CRHBP: variants seen among roughly 807,000 people sequenced by gnomAD.
The protein encoded by CRHBP is corticotropin releasing hormone binding protein.
A neutral mutation model predicts 34.9 loss-of-function variants in CRHBP; 19 were observed. The observed-to-expected ratio is 0.55, with a 90% CI of 0.38 to 0.80. The LOEUF (loss-of-function observed/expected upper bound fraction) is 0.80, where lower values mean the gene tolerates loss of function less well. Ranked by LOEUF, CRHBP falls within the 30% of genes least tolerant of loss-of-function variation. The pLI, the probability that CRHBP is intolerant of heterozygous loss-of-function variation, is 0.00. For synonymous variants in CRHBP, 154 were observed against 153.4 expected (o/e 1.00, Z -0.03); for missense variants, 328 against 409.2 (o/e 0.80, Z 1.71).
chr5:76,976,094 A>G (rs973410609), intron 2 of CRHBP, among the ~76,000 whole-genome samples: 2 of 151,436 alleles, frequency 1.3e-5, no homozygotes, highest in African/African-American at 4.9e-5. Context: ...GTGATCTTAT[A>G]TATAATAAGA....
chr5:76,962,622 GA>G (rs774799876), intron 5 of CRHBP, among the ~76,000 whole-genome samples: 5,701 of 120,340 alleles, frequency 0.047, 122 homozygotes, highest in Middle Eastern at 0.073. Flanking sequence ...CTACAAAATT[GA>G]AAAAAAAAAA....
At chr5:76,965,001 G>A (rs1388122973) in intron 6 of CRHBP, among the ~76,000 whole-genome samples, 1 of 150,268 alleles carries the variant, frequency 6.7e-6, no homozygotes, top group Non-Finnish European at 1.5e-5. Flanking sequence ...TAAAAAAAAA[G>A]AAAAGAATCA....
intron 2 of CRHBP, among the ~76,000 whole-genome samples, chr5:76,974,646 T>G (rs1197962981): frequency 6.6e-6 from 1 of 152,178 alleles, no homozygotes; most frequent in African/African-American, 2.4e-5. Flanking sequence ...CTGAATACAC[T>G]TTTATCTGTG....
chr5:76,963,585 G>T (rs1316547708), intron 6 of CRHBP, 125 bp downstream of exon 6: 1 of 744,262 alleles, frequency 1.3e-6, no homozygotes, highest in Non-Finnish European at 2.3e-6. Flanking sequence ...TTCACACTGA[G>T]CCAGTATGAG....
chr5:76,973,452 C>CAAAT (rs1235541905), downstream of CRHBP, among the ~76,000 whole-genome samples: 1 of 152,168 alleles, frequency 6.6e-6, no homozygotes, highest in African/African-American at 2.4e-5. Flanking sequence ...AAATACCATG[C>CAAAT]AAATACCTGA....
At chr5:76,981,013 G>C (rs1500) in exon 4 of CRHBP, 69,751 of 151,990 alleles carry the variant, frequency 0.46, 17,932 homozygotes, top group African/African-American at 0.7. Flanking sequence ...ACAGGAGCAC[G>C]AAAGGCACAG....
chr5:76,969,178 C>A lies in CRHBP; in HGVS notation c.*293C>A. 3.8e-6 allele frequency: 1 copy of A among 265,842 alleles called. No individual in the cohort carries two copies. Among genetic ancestry groups the A allele is most frequent in the Admixed American group, 5.3e-5 (1 of 18,908 alleles). The allele number at this position is 265,842 out of a possible 1,614,324, so 16.5% of individuals were successfully genotyped here. A position where few individuals can be genotyped will look rare whatever the true frequency, so the allele number is the denominator to read the frequency against. On this transcript the variant is annotated 3_prime_UTR_variant, in exon 7 of 7. Coordinates refer to ENST00000274368, the MANE Select transcript of CRHBP (RefSeq NM_001882.4). The stretch of plus-strand genomic sequence containing the variant: ...TCTTTGATGTGCTACAAACCTGAAA[C>A]TGGTAAGACAAGCACAAAGCAACGT...
Position 76,954,216 on chromosome 5 carries a change from C to A in CRHBP, c.333+30C>A, listed in dbSNP as rs1244404651. The A allele has an allele frequency of 8.1e-6, 13 of 1,604,928 alleles. No individual in the cohort carries two copies. The East Asian group carries it at 2.7e-4, about 33-fold the overall frequency. ...GGCGCCCACGGCCAGCCAACCTAGC[C>A]GGAGGGCGGCACGGGAGGGTTGGAA... On this transcript the variant is annotated intron_variant, in intron 3 of 6. Transcript: ENST00000274368.
Position 76,954,114 on chromosome 5 carries a change from C to A in CRHBP, c.261C>A (p.Ser87Arg), listed in dbSNP as rs1262253529. 6.2e-7 allele frequency: 1 copy of A among 1,614,066 alleles called. No individual in the cohort carries two copies. The highest frequency in any genetic ancestry group is 8.5e-7 in the Non-Finnish European group (1 of 1,179,958). ...TGCACTGCGCAGCCTTCTTCATCAG[C>A]GAGCCCGAGGAGTTCATTACCATCC... ...PQLHCAAFFI[S>R]EPEEFITIHY... is the part of the protein sequence containing the mutation. Residue 87 changes from serine to arginine, a missense_variant, in exon 3 of 7, where the codon AGC (serine) becomes AGA (arginine). Transcript: ENST00000274368.
At chr5:76,958,532 G>GA (rs1561265296) in intron 4 of CRHBP, among the ~76,000 whole-genome samples, 2 of 152,076 alleles carry the variant, frequency 1.3e-5, no homozygotes, top group African/African-American at 4.8e-5. Context: ...ACAGCCCAGG[G>GA]CCTCCTGACA....
chr5:76,966,505 G>A (rs1163723898), intron 6 of CRHBP, among the ~76,000 whole-genome samples: 3 of 152,282 alleles, frequency 2.0e-5, no homozygotes, highest in Non-Finnish European at 1.5e-5. Flanking sequence ...CCTTTGATCC[G>A]TCGCTACTTG....
downstream of CRHBP, among the ~76,000 whole-genome samples, chr5:76,969,874 G>T (rs1745917402): frequency 6.8e-6 from 1 of 147,308 alleles, no homozygotes; most frequent in East Asian, 2.0e-4. Flanking sequence ...AAAACTGAGT[G>T]TGTAGTATGT....
intron 2 of CRHBP, 106 bp downstream of exon 2, chr5:76,953,800 A>ACCG: frequency 7.7e-7 from 1 of 1,298,594 alleles, no homozygotes; most frequent in South Asian, 1.4e-5. Flanking sequence ...GGCTGGCCGG[A>ACCG]ACCGCCAGGG....
chr5:76,953,477 G>A (rs1467329602), intron 1 of CRHBP, 124 bp from the exon 2 acceptor site: 5 of 1,074,532 alleles, frequency 4.7e-6, no homozygotes, highest in African/African-American at 1.6e-5. Context: ...CTCCGGACAC[G>A]GGAAAACATT....
chr5:76,967,962 G>A (rs947046140), intron 6 of CRHBP, among the ~76,000 whole-genome samples: 5 of 152,266 alleles, frequency 3.3e-5, no homozygotes, highest in Admixed American at 6.5e-5. Context: ...CTCCCAAAGT[G>A]CTGGGATTAC....
chr5:76,959,138 T>C (rs1745738422), intron 5 of CRHBP: 2 of 370,860 alleles, frequency 5.4e-6, no homozygotes, highest in South Asian at 1.4e-4. Context: ...ATGTAAGAAG[T>C]GTTTTCAATT....
At chr5:76,959,171 A>C (rs1187618667) in intron 5 of CRHBP, 1 of 312,058 alleles carries the variant, frequency 3.2e-6, no homozygotes, top group Non-Finnish European at 5.8e-6. Context: ...GTATATAATT[A>C]CAATTGAACT....
At chr5:76,953,732 G>A (rs1745614556) in intron 2 of CRHBP, 38 bp downstream of exon 2, 5 of 1,562,646 alleles carry the variant, frequency 3.2e-6, no homozygotes, top group Non-Finnish European at 2.6e-6. Context: ...CGCCCGGGAC[G>A]CGGGGAAGGT....
chr5:76,979,563 ATGGTCTTGATC>A (rs1476933293), intron 3 of CRHBP, among the ~76,000 whole-genome samples: 3 of 152,022 alleles, frequency 2.0e-5, no homozygotes, highest in Non-Finnish European at 4.4e-5. Context: ...GTTGGCCAGG[ATGGTCTTGATC>A]TCCTGACCTC....
Sources: gnomAD v4.1 joint callset for allele counts (sites outside exome capture counted in the v4.1 genomes callset) on GRCh38, gnomAD v4.1.1 for gene constraint, MANE v1.5 for transcripts, NCBI Gene and HGNC (gene_info 2026-07-23, HGNC 2026-07-21) for gene names.